Variants in KCNH1 observed in about 807,000 individuals in gnomAD.
KCNH1 encodes potassium voltage-gated channel subfamily H member 1.
A neutral mutation model predicts 69.2 loss-of-function variants in KCNH1; 27 were observed. The ratio of observed to expected loss-of-function variants is 0.39; its 90% confidence interval spans 0.29 to 0.54. The LOEUF (loss-of-function observed/expected upper bound fraction) is 0.54, where lower values mean the gene tolerates loss of function less well. Ranked by LOEUF, KCNH1 falls within the 20% of genes least tolerant of loss-of-function variation. The probability of loss-of-function intolerance (pLI) is 0.68; values close to 1 mark genes in which losing one functional copy is unlikely to be tolerated. For missense variants in KCNH1, 798 were observed against 1,261.6 expected, an observed-to-expected ratio of 0.63 and a Z score of 5.57; for synonymous variants, 456 against 487.7, an observed-to-expected ratio of 0.93 and a Z score of 0.86.
At chr1:210,956,593 C>T (rs1352828670) in intron 6 of KCNH1, among the ~76,000 whole-genome samples, 1 of 149,248 alleles carries the variant, frequency 6.7e-6, no homozygotes, top group Non-Finnish European at 1.5e-5. Flanking sequence ...ACTTCAGAAC[C>T]TGTTATTCGT....
chr1:210,758,164 G>C lies in KCNH1; in HGVS notation c.2112+17184C>G, dbSNP rs116019394. Among the ~76,000 whole-genome samples, 525 of 152,280 alleles carry C rather than the reference G, an allele frequency of 3.4e-3. 6 individuals carry two copies. Among genetic ancestry groups the C allele is most frequent in the African/African-American group, 0.012 (505 of 41,552 alleles). ...CTGCTCTAGTCACAAGTCCACAGAT[G>C]GTACCTTTTTGAGAGTTTAGAGACA... On this transcript the variant is annotated intron_variant, in intron 10 of 10. Transcript: ENST00000271751.
At chr1:210,764,297 A>G (rs1683579770) in intron 10 of KCNH1, among the ~76,000 whole-genome samples, 2 of 152,158 alleles carry the variant, frequency 1.3e-5, no homozygotes, top group Admixed American at 1.3e-4. Flanking sequence ...ACCCTCCTAG[A>G]TATTGACCTA....
chr1:210,829,963 T>G (rs568310598), intron 7 of KCNH1, among the ~76,000 whole-genome samples: 1 of 152,314 alleles, frequency 6.6e-6, no homozygotes, highest in Non-Finnish European at 1.5e-5. Context: ...GTGTCTTATC[T>G]TCTGATTCCC....
At chr1:210,893,881 G>A (rs892380060) in intron 7 of KCNH1, among the ~76,000 whole-genome samples, 6 of 151,988 alleles carry the variant, frequency 3.9e-5, no homozygotes, top group Non-Finnish European at 7.4e-5. Flanking sequence ...TGTCAATTCT[G>A]CCATTAATCC....
At position 210,960,968 on chromosome 1, in the gene KCNH1, T is replaced by C. The variant is rs114436138; in HGVS notation, c.1033-40899A>G. ...GGTACATAGTGGTTTCTTGTAGTTT[T>C]AGTGTCATTTCTTGATAACTAATTG... On this transcript the variant is annotated intron_variant, in intron 6 of 10. Coordinates refer to ENST00000271751, the MANE Select transcript of KCNH1 (RefSeq NM_172362.3). Among the ~76,000 whole-genome samples the C allele has an allele frequency of 5.0e-3, 766 of 152,346 alleles. 9 individuals are homozygous for C. Among genetic ancestry groups the C allele is most frequent in the African/African-American group, 0.018 (731 of 41,586 alleles).
At chr1:210,929,706 G>T (rs1218217841) in intron 6 of KCNH1, among the ~76,000 whole-genome samples, 1 of 152,076 alleles carries the variant, frequency 6.6e-6, no homozygotes, top group Non-Finnish European at 1.5e-5. Context: ...GAAATCAAGG[G>T]CATCCGAATC....
chr1:211,076,141 C>T (rs182765223), intron 5 of KCNH1, among the ~76,000 whole-genome samples: 291 of 152,384 alleles, frequency 1.9e-3, no homozygotes, highest in Admixed American at 3.4e-3. Flanking sequence ...GTAGTCTCCA[C>T]CTCTGCGGGC....
chr1:211,120,597 AAC>A (rs1558613283), intron 1 of KCNH1, among the ~76,000 whole-genome samples: 2 of 152,206 alleles, frequency 1.3e-5, no homozygotes, highest in African/African-American at 4.8e-5. Flanking sequence ...ATAATTGAAT[AAC>A]ACAAAAAATA....
intron 7 of KCNH1, among the ~76,000 whole-genome samples, chr1:210,808,996 G>C (rs1684643256): frequency 6.6e-6 from 1 of 152,092 alleles, no homozygotes; most frequent in Non-Finnish European, 1.5e-5. Context: ...AAAGGAAGGA[G>C]ACCTCCCCCA....
chr1:210,718,671 C>T (rs1263617525), intron 10 of KCNH1, among the ~76,000 whole-genome samples: 85 of 115,522 alleles, frequency 7.4e-4, no homozygotes, highest in African/African-American at 2.5e-3. Context: ...CACACACACA[C>T]ACACACACAC....
At chr1:210,750,353 A>T (rs1474917654) in intron 10 of KCNH1, among the ~76,000 whole-genome samples, 1 of 152,202 alleles carries the variant, frequency 6.6e-6, no homozygotes, top group Non-Finnish European at 1.5e-5. Flanking sequence ...ACTTGCACAC[A>T]TTTTAGAGTT....
At chr1:210,696,584 T>C (rs912983190) in intron 10 of KCNH1, among the ~76,000 whole-genome samples, 1 of 152,174 alleles carries the variant, frequency 6.6e-6, no homozygotes, top group Non-Finnish European at 1.5e-5. Context: ...TCAAAGAAAC[T>C]AGTAGCATGA....
chr1:210,885,171 G>A (rs764331318), intron 7 of KCNH1, among the ~76,000 whole-genome samples: 6 of 152,224 alleles, frequency 3.9e-5, no homozygotes, highest in South Asian at 2.1e-4. Context: ...CAAGATCAAC[G>A]CAGAAGGCGG....
At chr1:210,826,359 C>T (rs928239107) in intron 7 of KCNH1, among the ~76,000 whole-genome samples, 2 of 152,108 alleles carry the variant, frequency 1.3e-5, no homozygotes, top group Non-Finnish European at 2.9e-5. Flanking sequence ...TCTCTCCCAT[C>T]CCCATCCCCA....
intron 7 of KCNH1, among the ~76,000 whole-genome samples, chr1:210,915,097 C>T (rs561847504): frequency 2.6e-5 from 4 of 152,254 alleles, no homozygotes; most frequent in African/African-American, 4.8e-5. Context: ...GGTCCCTAAC[C>T]GGAGACCTCC....
At chr1:211,018,674 G>C (rs539220455) in intron 6 of KCNH1, 109 bp downstream of exon 6, 46 of 886,056 alleles carry the variant, frequency 5.2e-5, no homozygotes, top group Non-Finnish European at 7.0e-5. Context: ...CTCTGTTCTG[G>C]ACATCAGTCA....
intron 10 of KCNH1, among the ~76,000 whole-genome samples, chr1:210,724,771 C>T (rs142385408): frequency 1.3e-4 from 20 of 152,218 alleles, no homozygotes; most frequent in Non-Finnish European, 2.6e-4. Flanking sequence ...AAAGGGCACT[C>T]GTGGCCAATG....
chr1:210,875,245 T>A (rs1686344840), intron 7 of KCNH1, among the ~76,000 whole-genome samples: 1 of 152,168 alleles, frequency 6.6e-6, no homozygotes, highest in Non-Finnish European at 1.5e-5. Context: ...TTACCTTTAA[T>A]AGTAAAATTT....
chr1:211,034,901 G>C (rs532690159), intron 5 of KCNH1, among the ~76,000 whole-genome samples: 2 of 152,108 alleles, frequency 1.3e-5, no homozygotes, highest in African/African-American at 4.8e-5. Context: ...CAAATCCTCA[G>C]GAGGAAATGC....
Sources: allele counts gnomAD v4.1 joint callset (sites outside exome capture counted in the v4.1 genomes callset), GRCh38; gene constraint gnomAD v4.1.1; transcripts MANE v1.5; gene names NCBI Gene and HGNC (gene_info 2026-07-23, HGNC 2026-07-21).